The following PRAG1 variants were observed in gnomAD, a reference collection of about 807,000 sequenced individuals.
PRAG1 encodes the protein inactive tyrosine-protein kinase PRAG1.
Under a neutral mutation model 95.6 loss-of-function variants are expected in PRAG1, and 110 were observed. The ratio of observed to expected loss-of-function variants is 1.15; its 90% CI spans 0.99 to 1.35. PRAG1 has a LOEUF of 1.35. Ranked by LOEUF, PRAG1 falls within the 40% of genes most tolerant of loss-of-function variation. PRAG1 has a pLI of 0.00. For missense variants in PRAG1, 2,554 were observed against 1,864.7 expected (o/e 1.37, Z -6.81); for synonymous variants, 1,052 against 819.4 (o/e 1.28, Z -4.85).
chr8:8,340,541 C>T (rs1437285730), intron 3 of PRAG1, among the ~76,000 whole-genome samples: 1 of 152,244 alleles, frequency 6.6e-6, no homozygotes, highest in Non-Finnish European at 1.5e-5. Flanking sequence ...CATTCCTGTT[C>T]CTTCTACGGC....
At position 8,328,258 on chromosome 8, in the gene PRAG1, T is replaced by C. The variant is rs377667569; in HGVS notation, c.2524A>G (p.Thr842Ala). Residue 842 changes from threonine to alanine, a missense_variant, in exon 5 of 6, where the codon ACA becomes GCA. Thr to Ala is a moderately conservative substitution (Grantham distance 58). Transcript: ENST00000615670. ...CTTAGGTTCAGCTTGGGGCTTGCTG[T>C]TCCGGGCTTGGGGGAGCCTTGGGTC... ...FWTQGSPKPG[T>A]ASPKLNLSHS... is the part of the protein sequence containing the mutation. 5.0e-6 allele frequency: 8 copies of C among 1,614,154 alleles called. No individual in the cohort carries two copies. The highest frequency in any genetic ancestry group is 5.1e-6 in the Non-Finnish European group (6 of 1,180,004).
At chr8:8,332,424 A>G (rs1798849685) in intron 4 of PRAG1, among the ~76,000 whole-genome samples, 1 of 152,150 alleles carries the variant, frequency 6.6e-6, no homozygotes, top group South Asian at 2.1e-4. Flanking sequence ...TCGGACTCCT[A>G]AAGTGCTGGG....
intron 3 of PRAG1, among the ~76,000 whole-genome samples, chr8:8,362,616 G>A (rs1799878218): frequency 6.6e-6 from 1 of 152,212 alleles, no homozygotes; most frequent in Non-Finnish European, 1.5e-5. Flanking sequence ...CCCCCAAACT[G>A]TTGGAAATAA....
chr8:8,381,831 C>T lies in PRAG1; in HGVS notation c.-84G>A, dbSNP rs1053851298. ...GATTCAGAGGTGGGTCACAGAGCGGCTTCCTAGAAAGGCAGGACAGTTTCC... is the reference window on the plus strand; with the variant it reads ...GATTCAGAGGTGGGTCACAGAGCGGTTTCCTAGAAAGGCAGGACAGTTTCC... On this transcript the variant is annotated 5_prime_UTR_variant, in exon 2 of 6. Transcript: ENST00000615670. 3 of 1,166,066 alleles carry T rather than the reference C, an allele frequency of 2.6e-6. No homozygotes were observed. Among genetic ancestry groups the T allele is most frequent in the Non-Finnish European group, 2.4e-6 (2 of 843,718 alleles). 72.2% of individuals were successfully genotyped at this position (1,166,066 alleles called of 1,614,324 possible). A position where few individuals can be genotyped will look rare whatever the true frequency, so the allele number is the denominator to read the frequency against.
chr8:8,328,307 G>T lies in PRAG1; in HGVS notation c.2475C>A (p.Ala825=), dbSNP rs769456312. 1 of 1,613,920 alleles carries T rather than the reference G, an allele frequency of 6.2e-7. No individual in the cohort carries two copies. The change falls in exon 5 of 6, where the codon GCC becomes GCA. Residue 825 remains alanine, a synonymous_variant. Coordinates refer to ENST00000615670, the MANE Select transcript of PRAG1 (RefSeq NM_001080826.3). The part of the protein sequence containing the change: ...LPQKKIVSRA[A]SSPDGFFWTQ... ...TCCAGAAGAAGCCATCCGGTGAAGA[G>T]GCTGCCCGGCTCACTATCTTTTTCT...
Position 8,376,103 on chromosome 8 carries a change from G to A in PRAG1, c.2162+144C>T, listed in dbSNP as rs2116931212. ...TCCTGCTCTCCGAGGGCTGCACTGG[G>A]ACCCTGGGAAATTTACATAAAGGCA... On this transcript the variant is annotated intron_variant, in intron 3 of 5. Coordinates refer to ENST00000615670, the MANE Select transcript of PRAG1 (RefSeq NM_001080826.3). 5 of 1,139,518 alleles carry A rather than the reference G, an allele frequency of 4.4e-6. No individual in the cohort carries two copies. The East Asian group carries it at 1.2e-4, about 28-fold the overall frequency. 70.6% of individuals were successfully genotyped at this position (1,139,518 alleles called of 1,614,324 possible). A position where few individuals can be genotyped will look rare whatever the true frequency, so the allele number is the denominator to read the frequency against.
intron 2 of PRAG1, 86 bp from the exon 3 acceptor site, chr8:8,378,164 C>T (rs1051617663): frequency 6.9e-6 from 10 of 1,446,084 alleles, no homozygotes; most frequent in South Asian, 4.2e-5. Context: ...GGAAGGGCAA[C>T]GATACTGTAG....
chr8:8,361,892 G>A (rs545128101), intron 3 of PRAG1, among the ~76,000 whole-genome samples: 1 of 152,296 alleles, frequency 6.6e-6, no homozygotes, highest in East Asian at 1.9e-4. Context: ...AACCCTAAAG[G>A]ATTATTAGGG....
At chr8:8,358,803 G>A (rs1799760675) in intron 3 of PRAG1, among the ~76,000 whole-genome samples, 1 of 152,180 alleles carries the variant, frequency 6.6e-6, no homozygotes, top group Non-Finnish European at 1.5e-5. Flanking sequence ...GGCTGGAGCT[G>A]GACCTCACAG....
chr8:8,321,232 G>A (rs1285916590), intron 5 of PRAG1, among the ~76,000 whole-genome samples: 1 of 152,134 alleles, frequency 6.6e-6, no homozygotes, highest in Non-Finnish European at 1.5e-5. Context: ...CTAGAGGTGT[G>A]CACCACCATG....
At chr8:8,384,304 C>T (rs946754462) in intron 1 of PRAG1, among the ~76,000 whole-genome samples, 1 of 151,808 alleles carries the variant, frequency 6.6e-6, no homozygotes. Context: ...TTTGCACAGC[C>T]CTGTGCAAAG....
chr8:8,325,261 T>A (rs967134587), intron 5 of PRAG1, among the ~76,000 whole-genome samples: 7 of 152,192 alleles, frequency 4.6e-5, no homozygotes, highest in African/African-American at 1.7e-4. Flanking sequence ...CAGGCACATT[T>A]GCAAATTAAT....
chr8:8,380,652 G>C (rs1041740062), intron 2 of PRAG1, among the ~76,000 whole-genome samples: 2 of 151,870 alleles, frequency 1.3e-5, no homozygotes, highest in Non-Finnish European at 2.9e-5. Context: ...TCAAGAGATC[G>C]AGACCATCCT....
At chr8:8,327,582 A>C in intron 5 of PRAG1, 128 bp downstream of exon 5, 1 of 1,101,086 alleles carries the variant, frequency 9.1e-7, no homozygotes, top group South Asian at 1.9e-5. Flanking sequence ...CAAGAAAAAA[A>C]AGAATGCTTA....
intron 3 of PRAG1, among the ~76,000 whole-genome samples, chr8:8,341,048 C>T (rs1799145446): frequency 1.3e-5 from 2 of 152,150 alleles, no homozygotes; most frequent in Non-Finnish European, 2.9e-5. Context: ...TAGTTTTCTC[C>T]AAGGGAAGCC....
intron 3 of PRAG1, among the ~76,000 whole-genome samples, chr8:8,353,387 C>T (rs1421397496): frequency 2.6e-5 from 4 of 151,406 alleles, no homozygotes. Context: ...GAAATTAGAA[C>T]ACAATAATAT....
At position 8,375,601 on chromosome 8, in the gene PRAG1, C is replaced by T. The variant is rs187277016; in HGVS notation, c.2162+646G>A. On this transcript the variant is annotated intron_variant, in intron 3 of 5. Coordinates refer to ENST00000615670, the MANE Select transcript of PRAG1 (RefSeq NM_001080826.3). ...CAAGACCTAATCACCATTGTGGTAA[C>T]AGTTTATTGAGCACGCATTTATTTG... 5.7e-4 allele frequency among the ~76,000 whole-genome samples: 87 copies of T among 152,272 alleles called. 1 individual carries two copies. In the Middle Eastern group the frequency reaches 0.024, roughly 42 times the overall value.
At chr8:8,349,316 T>C (rs551443318) in intron 3 of PRAG1, among the ~76,000 whole-genome samples, 1 of 151,514 alleles carries the variant, frequency 6.6e-6, no homozygotes, top group African/African-American at 2.4e-5. Flanking sequence ...AGTCTCGCTC[T>C]GTCACCCAGG....
Position 8,377,687 on chromosome 8 carries a change from C to G in PRAG1, c.722G>C (p.Arg241Thr), listed in dbSNP as rs933525177. Residue 241 changes from arginine to threonine, a missense_variant, in exon 3 of 6, where the codon AGG becomes ACG. Arg to Thr is a moderately conservative substitution (Grantham distance 71, BLOSUM62 -1). Transcript: ENST00000615670. Reference protein sequence around the residue: ...SLPSEDDSDQRCSPSGDSEGG... With the variant: ...SLPSEDDSDQTCSPSGDSEGG... ...CTCGCTGTCCCCGGAGGGCGAGCAC[C>G]TTTGATCACTGTCATCCTCCGAGGG... 6.2e-7 allele frequency: 1 copy of G among 1,613,900 alleles called. No individual in the cohort carries two copies. The highest frequency in any genetic ancestry group is 1.7e-5 in the Admixed American group (1 of 60,032).
Sources: gnomAD v4.1 joint callset for allele counts (sites outside exome capture counted in the v4.1 genomes callset) on GRCh38, gnomAD v4.1.1 for gene constraint, MANE v1.5 for transcripts, NCBI Gene and HGNC (gene_info 2026-07-23, HGNC 2026-07-21) for gene names.